The following SLC60A1 variants were observed in gnomAD, a reference collection of about 807,000 sequenced individuals.
SLC60A1 encodes major facilitator superfamily domain containing 4.
chr1:205,592,576 G>C, the SLC60A1 span, among the ~76,000 whole-genome samples: 1 of 150,980 alleles, frequency 6.6e-6, no homozygotes, highest in Non-Finnish European at 1.5e-5. Context: ...ATGTTCCCCT[G>C]TGCTCTTCTA....
the SLC60A1 span, among the ~76,000 whole-genome samples, chr1:205,591,722 G>C: frequency 6.6e-6 from 1 of 152,124 alleles, no homozygotes; most frequent in Non-Finnish European, 1.5e-5. Flanking sequence ...TTCAGGAGAA[G>C]AGAAGCAGCT....
the SLC60A1 span, among the ~76,000 whole-genome samples, chr1:205,582,412 C>A: frequency 6.6e-6 from 1 of 152,246 alleles, no homozygotes; most frequent in Non-Finnish European, 1.5e-5. Context: ...TGCACACGCA[C>A]ACACACATGT....
At chr1:205,600,129 AT>A in the SLC60A1 span, 27 of 358,594 alleles carry the variant, frequency 7.5e-5, no homozygotes, top group Non-Finnish European at 1.3e-4. Context: ...TAAGACCTAC[AT>A]TCAATTAATA....
chr1:205,569,758 C>G, the SLC60A1 span, among the ~76,000 whole-genome samples: 1 of 152,132 alleles, frequency 6.6e-6, no homozygotes, highest in African/African-American at 2.4e-5. Flanking sequence ...AGGGCCAGCT[C>G]TGTGGCGGTG....
chr1:205,576,181 T>A, the SLC60A1 span, among the ~76,000 whole-genome samples: 1 of 152,158 alleles, frequency 6.6e-6, no homozygotes, highest in African/African-American at 2.4e-5. Flanking sequence ...CAAAGGGCAC[T>A]GCAGCAGGAA....
At chr1:205,598,945 C>A in the SLC60A1 span, 17 of 735,798 alleles carry the variant, frequency 2.3e-5, 1 homozygote, top group South Asian at 2.7e-4. Flanking sequence ...AGGACTTCGG[C>A]CTTCTCCAGA....
chr1:205,574,471 T>C, the SLC60A1 span, among the ~76,000 whole-genome samples: 2 of 152,024 alleles, frequency 1.3e-5, 1 homozygote, highest in South Asian at 4.1e-4. Flanking sequence ...TCTCAAAACT[T>C]ATACCATCCA....
chr1:205,588,687 A>G, the SLC60A1 span, among the ~76,000 whole-genome samples: 1 of 151,976 alleles, frequency 6.6e-6, no homozygotes, highest in South Asian at 2.1e-4. Context: ...ATTCACTGTG[A>G]CTACTTCCGA....
the SLC60A1 span, chr1:205,584,747 G>A: frequency 3.3e-5 from 26 of 776,556 alleles, no homozygotes; most frequent in Admixed American, 2.5e-4. Flanking sequence ...CAGAAAGGTC[G>A]TGAAAGTAGA....
chr1:205,594,137 G>C, the SLC60A1 span, among the ~76,000 whole-genome samples: 2 of 152,128 alleles, frequency 1.3e-5, no homozygotes, highest in African/African-American at 4.8e-5. Context: ...GGCCCCACGG[G>C]ACATGGCCAA....
chr1:205,592,369 T>TC, the SLC60A1 span: 1 of 367,348 alleles, frequency 2.7e-6, no homozygotes, highest in Non-Finnish European at 3.5e-6. Flanking sequence ...CTCTGTGCTC[T>TC]TTTTTTTTTT....
At chr1:205,597,298 C>CTCAT in the SLC60A1 span, among the ~76,000 whole-genome samples, 3 of 150,948 alleles carry the variant, frequency 2.0e-5, no homozygotes, top group Admixed American at 2.0e-4. Context: ...AAGTTACAGG[C>CTCAT]TCATGTCTGA....
the SLC60A1 span, among the ~76,000 whole-genome samples, chr1:205,569,721 T>C: frequency 1.3e-5 from 2 of 151,662 alleles, no homozygotes; most frequent in African/African-American, 4.8e-5. Context: ...GGGGGCGGGA[T>C]TGGCAGTGAG....
chr1:205,580,392 G>C, the SLC60A1 span, among the ~76,000 whole-genome samples: 1 of 152,274 alleles, frequency 6.6e-6, no homozygotes, highest in African/African-American at 2.4e-5. This position sits in a 1 kb window ranked among gnomAD's most constrained non-coding sequence, Gnocchi z 5.0. Context: ...AACAGAGATG[G>C]GGAGGGAATT....
chr1:205,588,469 C>CAAAA, the SLC60A1 span, among the ~76,000 whole-genome samples: 381 of 84,668 alleles, frequency 4.5e-3, 2 homozygotes, highest in South Asian at 7.1e-3. Flanking sequence ...GACTTCAAAT[C>CAAAA]AAAAAAAAAA....
chr1:205,581,071 C>G, the SLC60A1 span: 1 of 1,066,248 alleles, frequency 9.4e-7, no homozygotes. This position sits in a 1 kb window ranked among gnomAD's most constrained non-coding sequence, Gnocchi z 4.2. Flanking sequence ...GGAGGACAAA[C>G]CCTCCCCGGG....
chr1:205,577,532 C>T, the SLC60A1 span, among the ~76,000 whole-genome samples: 1 of 152,150 alleles, frequency 6.6e-6, no homozygotes, highest in East Asian at 1.9e-4. The surrounding 1 kb of genome is among the most constrained non-coding windows in gnomAD (Gnocchi z 5.2). Context: ...GTGTTAGAGG[C>T]GCATGTTCTA....
chr1:205,597,796 G>A, the SLC60A1 span: 1 of 1,614,016 alleles, frequency 6.2e-7, no homozygotes, highest in Non-Finnish European at 8.5e-7. Context: ...CAACCACAGT[G>A]CTGGTGACAG....
At chr1:205,570,176 A>G in the SLC60A1 span, among the ~76,000 whole-genome samples, 1 of 152,168 alleles carries the variant, frequency 6.6e-6, no homozygotes, top group South Asian at 2.1e-4. Context: ...CTCGGCTTAA[A>G]TTGGACAGGG....
Sources: allele counts gnomAD v4.1 joint callset (sites outside exome capture counted in the v4.1 genomes callset), GRCh38; gene constraint gnomAD v4.1.1; non-coding constraint Gnocchi (gnomAD v3.1); transcripts MANE v1.5; gene names NCBI Gene and HGNC (gene_info 2026-07-23, HGNC 2026-07-21).